Variants in INTS8 observed in about 807,000 individuals in gnomAD.
INTS8 encodes protein kaonashi-1.
Under a neutral mutation model 138.9 loss-of-function variants are expected in INTS8, and 47 were observed. The observed-to-expected ratio is 0.34, with a 90% CI of 0.27 to 0.43. INTS8 has a LOEUF of 0.43. Among genes scored for constraint, INTS8 ranks in the 20% least tolerant of loss-of-function variants. The pLI is 1.00. For synonymous variants in INTS8, 392 were observed against 400.9 expected (o/e 0.98, Z 0.27); for missense variants, 996 against 1,173.0 (o/e 0.85, Z 2.20).
intron 6 of INTS8, among the ~76,000 whole-genome samples, chr8:94,835,733 G>T (rs181312380): frequency 2.0e-5 from 3 of 152,166 alleles, no homozygotes; most frequent in Non-Finnish European, 4.4e-5. Context: ...CCAAATAGCT[G>T]GGATTACAGG....
At chr8:94,870,291 T>C (rs1816351110) in intron 20 of INTS8, among the ~76,000 whole-genome samples, 1 of 152,140 alleles carries the variant, frequency 6.6e-6, no homozygotes, top group Non-Finnish European at 1.5e-5. Context: ...GACCTCGTGA[T>C]CCACCTGCCT....
At chr8:94,854,302 T>C (rs1815665838) in intron 14 of INTS8, among the ~76,000 whole-genome samples, 2 of 152,150 alleles carry the variant, frequency 1.3e-5, no homozygotes. Flanking sequence ...TCCTAATCTT[T>C]AAAGTCACAG....
At position 94,823,485 on chromosome 8, in the gene INTS8, C is replaced by G; in HGVS notation, c.54C>G (p.Thr18=). The G allele has an allele frequency of 1.4e-5, 21 of 1,553,398 alleles. No homozygotes were observed. The highest frequency in any genetic ancestry group is 1.8e-5 in the Non-Finnish European group (21 of 1,148,994). Residue 18 remains threonine, a synonymous_variant, in exon 1 of 27, where the codon ACC becomes ACG. Coordinates refer to ENST00000523731, the MANE Select transcript of INTS8 (RefSeq NM_017864.4). ...REAATSSRPC[T]PPQTCWFEFL... ...CGGCCACCTCCAGCCGGCCCTGCAC[C>G]CCGCCGCAGACCTGCTGGTTTGAGT...
At chr8:94,867,085 A>C (rs1816204032) in intron 18 of INTS8, 55 bp from the exon 19 acceptor site, 1 of 1,300,762 alleles carries the variant, frequency 7.7e-7, no homozygotes, top group African/African-American at 1.5e-5. Flanking sequence ...GACAGGAGCA[A>C]TATTAAATAA....
intron 6 of INTS8, among the ~76,000 whole-genome samples, chr8:94,835,638 C>A (rs948671014): frequency 6.6e-6 from 1 of 151,176 alleles, no homozygotes; most frequent in African/African-American, 2.4e-5. Flanking sequence ...CTCGCCCTGT[C>A]GCCCAGGCTG....
chr8:94,825,415 G>A (rs1052086784), intron 2 of INTS8, among the ~76,000 whole-genome samples: 1 of 148,498 alleles, frequency 6.7e-6, no homozygotes. Context: ...CTGGGCGATA[G>A]AGTAAGACTC....
rs961020811 is a variant in INTS8, at chr8:94,823,678, G to A, written c.130+117G>A. 1.9e-5 allele frequency: 15 copies of A among 793,722 alleles called. No homozygotes were observed. The Admixed American group carries it at 1.9e-4, about 10-fold the overall frequency. The allele number at this position is 793,722 out of a possible 1,614,324, so 49.2% of individuals were successfully genotyped here. On this transcript the variant is annotated intron_variant, in intron 1 of 26. Transcript: ENST00000523731. ...AGCTGCGGCCTGGGAGGCGCGCACA[G>A]GAGCCCAGCTCCGGCCGGGCTCCTC...
intron 5 of INTS8, 129 bp from the exon 6 acceptor site, chr8:94,831,863 G>A (rs577396576): frequency 1.8e-6 from 1 of 565,022 alleles, no homozygotes. Flanking sequence ...AAATGTAATT[G>A]TACTCTTGCT....
intron 16 of INTS8, 148 bp downstream of exon 16, chr8:94,859,780 T>G: frequency 1.7e-6 from 1 of 602,618 alleles, no homozygotes; most frequent in Admixed American, 3.0e-5. Flanking sequence ...GATAGAGTTT[T>G]TGATAATTCA....
chr8:94,870,025 G>C (rs1185975827), intron 20 of INTS8, among the ~76,000 whole-genome samples: 2 of 151,842 alleles, frequency 1.3e-5, no homozygotes, highest in Non-Finnish European at 2.9e-5. Flanking sequence ...CCTAAGAATT[G>C]TGAGGATGAA....
intron 13 of INTS8, among the ~76,000 whole-genome samples, chr8:94,852,938 T>C (rs951714583): frequency 6.6e-6 from 1 of 152,128 alleles, no homozygotes; most frequent in Non-Finnish European, 1.5e-5. Flanking sequence ...TTAAACATAC[T>C]AGTAGAGAGA....
rs373817760 is a variant in INTS8, at chr8:94,856,699, T to G, written c.1753-78T>G. On this transcript the variant is annotated intron_variant, in intron 14 of 26. Coordinates refer to ENST00000523731, the MANE Select transcript of INTS8 (RefSeq NM_017864.4). ...CCATTTGAAATAATCCTTCTCCTCT[T>G]TGCTCTGTCAACATAAAGGCACACA... 206 of 1,141,622 alleles carry G rather than the reference T, an allele frequency of 1.8e-4. 1 individual carries two copies. In the African/African-American group the frequency reaches 2.8e-3, roughly 16 times the overall value. 70.7% of individuals were successfully genotyped at this position (1,141,622 alleles called of 1,614,324 possible).
chr8:94,864,371 C>T (rs1432297575), intron 16 of INTS8, among the ~76,000 whole-genome samples: 1 of 152,042 alleles, frequency 6.6e-6, no homozygotes, highest in Non-Finnish European at 1.5e-5. Context: ...TCTACAAGAG[C>T]GATGGAGTAT....
intron 10 of INTS8, among the ~76,000 whole-genome samples, chr8:94,848,404 T>C (rs1815408464): frequency 6.6e-6 from 1 of 152,180 alleles, no homozygotes; most frequent in African/African-American, 2.4e-5. Context: ...TTTAGTGTAT[T>C]CCTAGAGTTG....
chr8:94,832,454 A>G (rs1000507908), intron 6 of INTS8, among the ~76,000 whole-genome samples: 1 of 152,198 alleles, frequency 6.6e-6, no homozygotes, highest in African/African-American at 2.4e-5. Context: ...ATTGATTTAC[A>G]GTTCTTTCAT....
At chr8:94,835,599 C>G (rs1482270917) in intron 6 of INTS8, among the ~76,000 whole-genome samples, 1 of 145,450 alleles carries the variant, frequency 6.9e-6, no homozygotes, top group African/African-American at 2.6e-5. Context: ...GAGGCAGAGC[C>G]TGCTTCTTTT....
chr8:94,869,222 C>G (rs1039781193), intron 20 of INTS8, among the ~76,000 whole-genome samples: 1 of 151,744 alleles, frequency 6.6e-6, no homozygotes, highest in Non-Finnish European at 1.5e-5. Context: ...CTCAGGTGAT[C>G]TGCACACCTC....
At chr8:94,872,651 A>G (rs987227998) in intron 21 of INTS8, among the ~76,000 whole-genome samples, 1 of 152,218 alleles carries the variant, frequency 6.6e-6, no homozygotes, top group African/African-American at 2.4e-5. Flanking sequence ...TCTTGAAGAT[A>G]GATCCTAACT....
chr8:94,842,964 G>A (rs905682418), intron 10 of INTS8, among the ~76,000 whole-genome samples: 8 of 152,178 alleles, frequency 5.3e-5, no homozygotes, highest in Non-Finnish European at 1.2e-4. Flanking sequence ...ATAAAGCACA[G>A]ATAATACCAC....
Sources: gnomAD v4.1 joint callset for allele counts (sites outside exome capture counted in the v4.1 genomes callset) on GRCh38, gnomAD v4.1.1 for gene constraint, MANE v1.5 for transcripts, NCBI Gene and HGNC (gene_info 2026-07-23, HGNC 2026-07-21) for gene names.